AKAP5: variants seen among roughly 807,000 people sequenced by gnomAD.
AKAP5 encodes A-kinase anchoring protein 5.
Under a neutral mutation model 13.8 loss-of-function variants are expected in AKAP5, and 5 were observed. The observed-to-expected ratio is 0.36, with a 90% confidence interval of 0.19 to 0.76. The LOEUF is 0.76. Ranked by LOEUF, AKAP5 falls within the 30% of genes least tolerant of loss-of-function variation. AKAP5 has a pLI of 0.51. For missense variants in AKAP5, 406 were observed against 484.4 expected (o/e 0.84, Z 1.52); for synonymous variants, 148 against 167.2 (o/e 0.89, Z 0.89).
In AKAP5 at chr14:64,466,214, T is replaced by C. The variant is rs563719676; in HGVS notation, c.-264+601T>C. ...GGGACTTTAAGATTTCCTGAGGCGA[T>C]AAAGCTACCCTTGCTGGTTAAGAGC... is the stretch of plus-strand genomic sequence containing the variant. On this transcript the variant is annotated intron_variant, in intron 1 of 1. Transcript: ENST00000394718. Among the ~76,000 whole-genome samples the C allele has an allele frequency of 2.6e-5, 4 of 152,370 alleles. No homozygotes were observed. In the South Asian group the frequency reaches 8.3e-4, roughly 32 times the overall value.
rs2078634556 is a variant in AKAP5, at chr14:64,468,482, G to A, written c.88G>A (p.Glu30Lys). 1.9e-6 allele frequency: 3 copies of A among 1,613,984 alleles called. No homozygotes were observed. The highest frequency in any genetic ancestry group is 2.5e-6 in the Non-Finnish European group (3 of 1,180,040). Residue 30 changes from glutamate to lysine, a missense_variant, in exon 2 of 2, where the codon GAA (glutamate) becomes AAA (lysine). Glu to Lys is a moderately conservative substitution (Grantham distance 56). Coordinates refer to ENST00000394718, the MANE Select transcript of AKAP5 (RefSeq NM_004857.3). ...TAGTCCTGGGGCTGAAAGGCAGAAGGAAAAGGCATCCATGCTTTGCTTCAA... is the reference window on the plus strand; with the variant it reads ...TAGTCCTGGGGCTGAAAGGCAGAAGAAAAAGGCATCCATGCTTTGCTTCAA... ...EGSPGAERQK[E>K]KASMLCFKRR...
chr14:64,472,841 TAA>T lies in AKAP5; in HGVS notation c.*3164_*3165del, dbSNP rs2078688690. 6.0e-6 allele frequency: 1 copy of T among 167,076 alleles called. No individual in the cohort carries two copies. The highest frequency in any genetic ancestry group is 6.5e-5 in the Admixed American group (1 of 15,292). 10.3% of individuals were successfully genotyped at this position (167,076 alleles called of 1,614,324 possible). ...TATGCAAACGTTAAGTGAATATAAA[TAA>T]GTTCTGTTTCAATTCATGTCCATTT... is the stretch of plus-strand genomic sequence containing the variant. On this transcript the variant is annotated 3_prime_UTR_variant, in exon 2 of 2. Coordinates refer to ENST00000394718, the MANE Select transcript of AKAP5 (RefSeq NM_004857.3).
chr14:64,471,542 T>G lies in AKAP5; in HGVS notation c.*1864T>G, dbSNP rs911242570. On this transcript the variant is annotated 3_prime_UTR_variant, in exon 2 of 2. Transcript: ENST00000394718. Reference sequence around the variant, plus strand: ...TACATATTGAAAGGGAAGCATCTGATCTCATCAATGATTGCCATATTTTTT... The same window carrying G: ...TACATATTGAAAGGGAAGCATCTGAGCTCATCAATGATTGCCATATTTTTT... 1 of 167,130 alleles carries G rather than the reference T, an allele frequency of 6.0e-6. No individual in the cohort carries two copies. The highest frequency in any genetic ancestry group is 1.5e-5 in the Non-Finnish European group (1 of 68,132). 10.4% of individuals were successfully genotyped at this position (167,130 alleles called of 1,614,324 possible). A position where few individuals can be genotyped will look rare whatever the true frequency, so the allele number is the denominator to read the frequency against.
chr14:64,472,450 TAAGA>T lies in AKAP5; in HGVS notation c.*2776_*2779del, dbSNP rs1435511844. On this transcript the variant is annotated 3_prime_UTR_variant, in exon 2 of 2. Transcript: ENST00000394718. ...AAATATGTGCAATGAATTTTTTGGTTAAGAAAGTAAAATTTTATCTAATACTAGG... is the reference window on the plus strand; with the variant it reads ...AAATATGTGCAATGAATTTTTTGGTTAAGTAAAATTTTATCTAATACTAGG... 1 of 167,048 alleles carries T rather than the reference TAAGA, an allele frequency of 6.0e-6. No homozygotes were observed. Among genetic ancestry groups the T allele is most frequent in the Non-Finnish European group, 1.5e-5 (1 of 68,114 alleles). 10.3% of individuals were successfully genotyped at this position (167,048 alleles called of 1,614,324 possible).
Position 64,473,140 on chromosome 14 carries a change from T to C in AKAP5, c.*3462T>C, listed in dbSNP as rs1234545713. The stretch of plus-strand genomic sequence containing the variant: ...AATGTGAAAATTCTCCTCTATTTTA[T>C]GTAGCACTATTCACTTAACATTTTT... On this transcript the variant is annotated 3_prime_UTR_variant, in exon 2 of 2. Transcript: ENST00000394718. The C allele has an allele frequency of 6.0e-6, 1 of 167,102 alleles. No homozygotes were observed. Among genetic ancestry groups the C allele is most frequent in the Non-Finnish European group, 1.5e-5 (1 of 68,122 alleles). 10.4% of individuals were successfully genotyped at this position (167,102 alleles called of 1,614,324 possible).
intron 1 of AKAP5, among the ~76,000 whole-genome samples, chr14:64,465,950 A>G (rs986842885): frequency 6.6e-6 from 1 of 152,082 alleles, no homozygotes; most frequent in Non-Finnish European, 1.5e-5. Flanking sequence ...AAGCTGGGTT[A>G]TCTGTTCCAC....
Position 64,468,644 on chromosome 14 carries a change from C to T in AKAP5, c.250C>T (p.Arg84Cys), listed in dbSNP as rs147744153. 2.5e-5 allele frequency: 40 copies of T among 1,613,958 alleles called. No individual in the cohort carries two copies. The highest frequency in any genetic ancestry group is 3.3e-5 in the Admixed American group (2 of 60,024). The change falls in exon 2 of 2, where the codon CGT becomes TGT. Residue 84 changes from arginine (R) to cysteine (C), a missense_variant. Arg to Cys is a radical substitution (Grantham distance 180). Transcript: ENST00000394718. ...ACGGGGGGCCTGGGCCTCACTCAAACGTCTTGTAACACGCAGGAAAAGGTC... is the reference window on the plus strand; with the variant it reads ...ACGGGGGGCCTGGGCCTCACTCAAATGTCTTGTAACACGCAGGAAAAGGTC... Reference protein sequence around the residue: ...PTRGAWASLKRLVTRRKRSES... With the variant: ...PTRGAWASLKCLVTRRKRSES...
In AKAP5 at chr14:64,470,184, G is replaced by A. The variant is rs1339901584; in HGVS notation, c.*506G>A. On this transcript the variant is annotated 3_prime_UTR_variant, in exon 2 of 2. Coordinates refer to ENST00000394718, the MANE Select transcript of AKAP5 (RefSeq NM_004857.3). ...TGATTTGTAATTGTTACATTCCTAAGCAGCAGGCTTAACTCAAAAAATACA... is the reference window on the plus strand; with the variant it reads ...TGATTTGTAATTGTTACATTCCTAAACAGCAGGCTTAACTCAAAAAATACA... 13 of 167,182 alleles carry A rather than the reference G, an allele frequency of 7.8e-5. No individual in the cohort carries two copies. 10.4% of individuals were successfully genotyped at this position (167,182 alleles called of 1,614,324 possible). A position where few individuals can be genotyped will look rare whatever the true frequency, so the allele number is the denominator to read the frequency against.
chr14:64,468,259 T>TGGAG lies in AKAP5; in HGVS notation c.-135_-132dup. Reference sequence around the variant, plus strand: ...AGAGAAACCACCTAAAACAACTGTATGGAGTAAGATGAAAGGTATGAATAT... The same window carrying TGGAG: ...AGAGAAACCACCTAAAACAACTGTATGGAGGGAGTAAGATGAAAGGTATGAATAT... On this transcript the variant is annotated 5_prime_UTR_variant, in exon 2 of 2. An upstream open reading frame in the 5' UTR loses its in-frame stop. Coordinates refer to ENST00000394718, the MANE Select transcript of AKAP5 (RefSeq NM_004857.3). The TGGAG allele has an allele frequency of 1.2e-5, 9 of 739,474 alleles. No individual in the cohort carries two copies. The highest frequency in any genetic ancestry group is 3.8e-4 in the Middle Eastern group (1 of 2,660). 45.8% of individuals were successfully genotyped at this position (739,474 alleles called of 1,614,324 possible). A position where few individuals can be genotyped will look rare whatever the true frequency, so the allele number is the denominator to read the frequency against.
In AKAP5 at chr14:64,472,910, C is replaced by T. The variant is rs1269547267; in HGVS notation, c.*3232C>T. On this transcript the variant is annotated 3_prime_UTR_variant, in exon 2 of 2. Coordinates refer to ENST00000394718, the MANE Select transcript of AKAP5 (RefSeq NM_004857.3). ...TTATTAGGAACACCACATGAATTTT[C>T]TTTACATTTGCTGTGGTATAAATTC... is the stretch of plus-strand genomic sequence containing the variant. 3 of 166,934 alleles carry T rather than the reference C, an allele frequency of 1.8e-5. No individual in the cohort carries two copies. Among genetic ancestry groups the T allele is most frequent in the Non-Finnish European group, 4.4e-5 (3 of 68,076 alleles). The allele number at this position is 166,934 out of a possible 1,614,324, so 10.3% of individuals were successfully genotyped here. A position where few individuals can be genotyped will look rare whatever the true frequency, so the allele number is the denominator to read the frequency against.
chr14:64,468,799 G>A lies in AKAP5; in HGVS notation c.405G>A (p.Gly135=). The A allele has an allele frequency of 6.2e-7, 1 of 1,614,080 alleles. No homozygotes were observed. Among genetic ancestry groups the A allele is most frequent in the South Asian group, 1.1e-5 (1 of 91,078 alleles). Reference sequence around the variant, plus strand: ...TTCCCTGCATAAAATTCCCAAGAGGGCCAAAAAGGAGTAATCATTCCAAAA... The same window carrying A: ...TTCCCTGCATAAAATTCCCAAGAGGACCAAAAAGGAGTAATCATTCCAAAA... ...LKIPCIKFPR[G]PKRSNHSKII... The change falls in exon 2 of 2, where the codon GGG becomes GGA. Residue 135 remains glycine, a synonymous_variant. Coordinates refer to ENST00000394718, the MANE Select transcript of AKAP5 (RefSeq NM_004857.3).
rs1223913182 is a variant in AKAP5 at position 64,470,346 on chromosome 14, T to G, written c.*668T>G. On this transcript the variant is annotated 3_prime_UTR_variant, in exon 2 of 2. Transcript: ENST00000394718. Reference sequence around the variant, plus strand: ...GGCTCACGCCTATAATCCCAGCACTTTGGGAGGCCAAGGCGGGTGGATCAG... The same window carrying G: ...GGCTCACGCCTATAATCCCAGCACTGTGGGAGGCCAAGGCGGGTGGATCAG... The G allele has an allele frequency of 6.0e-6, 1 of 166,674 alleles. No homozygotes were observed. Among genetic ancestry groups the G allele is most frequent in the African/African-American group, 2.4e-5 (1 of 41,418 alleles). The allele number at this position is 166,674 out of a possible 1,614,324, so 10.3% of individuals were successfully genotyped here.
rs1208234549 is a variant in AKAP5, at chr14:64,469,296, C to A, written c.902C>A (p.Ala301Asp). 6.2e-7 allele frequency: 1 copy of A among 1,613,222 alleles called. No homozygotes were observed. The highest frequency in any genetic ancestry group is 2.2e-5 in the East Asian group (1 of 44,880). The change falls in exon 2 of 2, where the codon GCT becomes GAT. Residue 301 changes from alanine (A) to aspartate (D), a missense_variant. By Grantham distance (126) the Ala-to-Asp change is moderately radical. Coordinates refer to ENST00000394718, the MANE Select transcript of AKAP5 (RefSeq NM_004857.3). Reference protein sequence around the residue: ...GKDYESTEIVAEETKPKDTEL... With the variant: ...GKDYESTEIVDEETKPKDTEL... The stretch of plus-strand genomic sequence containing the variant: ...GACTATGAAAGTACAGAGATTGTAG[C>A]TGAAGAAACTAAGCCAAAAGATACT...
chr14:64,469,128 A>G lies in AKAP5; in HGVS notation c.734A>G (p.Gln245Arg), dbSNP rs1478459114. The change falls in exon 2 of 2, where the codon CAG becomes CGG. Residue 245 changes from glutamine to arginine, a missense_variant. Coordinates refer to ENST00000394718, the MANE Select transcript of AKAP5 (RefSeq NM_004857.3). ...TIKEKQDVQP[Q>R]QASPLETSET... The stretch of plus-strand genomic sequence containing the variant: ...AAGGAAAAACAAGATGTTCAACCCC[A>G]GCAAGCAAGCCCACTTGAAACTTCA... 6.2e-7 allele frequency: 1 copy of G among 1,614,194 alleles called. No individual in the cohort carries two copies. The highest frequency in any genetic ancestry group is 8.5e-7 in the Non-Finnish European group (1 of 1,180,036).
rs750967463 is a variant in AKAP5, at chr14:64,468,956, C to A, written c.562C>A (p.Arg188=). ...CCAGGATCTAAGTGAAGGCATCTCA[C>A]GGAAAGATGGTGATGAGGTCTGTGA... ...STQDLSEGIS[R]KDGDEVCESN... Residue 188 remains arginine, a synonymous_variant, in exon 2 of 2, where the codon CGG becomes AGG. Coordinates refer to ENST00000394718, the MANE Select transcript of AKAP5 (RefSeq NM_004857.3). 3.7e-6 allele frequency: 6 copies of A among 1,614,156 alleles called. No individual in the cohort carries two copies. In the East Asian group the frequency reaches 1.1e-4, roughly 30 times the overall value.
rs960015122 is a variant in AKAP5, at chr14:64,472,693, C to T, written c.*3015C>T. 3.0e-5 allele frequency: 5 copies of T among 166,858 alleles called. No individual in the cohort carries two copies. The highest frequency in any genetic ancestry group is 9.7e-5 in the African/African-American group (4 of 41,436). The allele number at this position is 166,858 out of a possible 1,614,324, so 10.3% of individuals were successfully genotyped here. A position where few individuals can be genotyped will look rare whatever the true frequency, so the allele number is the denominator to read the frequency against. On this transcript the variant is annotated 3_prime_UTR_variant, in exon 2 of 2. Coordinates refer to ENST00000394718, the MANE Select transcript of AKAP5 (RefSeq NM_004857.3). ...GATTATATGTGCTACATGGCCAAAT[C>T]CTATTACAGTGAATTCTAAGGTGAT...
Position 64,469,816 on chromosome 14 carries a change from G to A in AKAP5, c.*138G>A. The A allele has an allele frequency of 1.6e-6, 1 of 638,724 alleles. No individual in the cohort carries two copies. The highest frequency in any genetic ancestry group is 2.6e-6 in the Non-Finnish European group (1 of 386,888). 39.6% of individuals were successfully genotyped at this position (638,724 alleles called of 1,614,324 possible). A position where few individuals can be genotyped will look rare whatever the true frequency, so the allele number is the denominator to read the frequency against. On this transcript the variant is annotated 3_prime_UTR_variant, in exon 2 of 2. Transcript: ENST00000394718. ...AAAGGTACAATTCCAGCGCAGAAGT[G>A]CTAAAGATTAAGTCAAGTTTATAAA...
Position 64,468,645 on chromosome 14 carries a change from G to C in AKAP5, c.251G>C (p.Arg84Pro). Reference sequence around the variant, plus strand: ...CGGGGGGCCTGGGCCTCACTCAAACGTCTTGTAACACGCAGGAAAAGGTCA... The same window carrying C: ...CGGGGGGCCTGGGCCTCACTCAAACCTCTTGTAACACGCAGGAAAAGGTCA... ...PTRGAWASLKRLVTRRKRSES... is the reference protein window; with the variant it reads ...PTRGAWASLKPLVTRRKRSES... Residue 84 changes from arginine to proline, a missense_variant, in exon 2 of 2, where the codon CGT (arginine) becomes CCT (proline). By Grantham distance (103) the Arg-to-Pro change is moderately radical. Coordinates refer to ENST00000394718, the MANE Select transcript of AKAP5 (RefSeq NM_004857.3). 6.2e-7 allele frequency: 1 copy of C among 1,613,942 alleles called. No homozygotes were observed. Among genetic ancestry groups the C allele is most frequent in the Non-Finnish European group, 8.5e-7 (1 of 1,180,044 alleles).
chr14:64,469,143 T>A lies in AKAP5; in HGVS notation c.749T>A (p.Leu250His). 3 of 1,614,132 alleles carry A rather than the reference T, an allele frequency of 1.9e-6. No individual in the cohort carries two copies. The highest frequency in any genetic ancestry group is 2.5e-6 in the Non-Finnish European group (3 of 1,180,026). ...QDVQPQQASP[L>H]ETSETDHQQP... ...GTTCAACCCCAGCAAGCAAGCCCAC[T>A]TGAAACTTCAGAAACAGACCATCAG... The change falls in exon 2 of 2, where the codon CTT (leucine) becomes CAT (histidine). Residue 250 changes from leucine to histidine, a missense_variant. By Grantham distance (99) the Leu-to-His change is moderately conservative (BLOSUM62 -3). Transcript: ENST00000394718.
Sources: gnomAD v4.1 joint callset for allele counts (sites outside exome capture counted in the v4.1 genomes callset) on GRCh38, gnomAD v4.1.1 for gene constraint, MANE v1.5 for transcripts, NCBI Gene and HGNC (gene_info 2026-07-23, HGNC 2026-07-21) for gene names.